The following PSD3 variants were observed in gnomAD, a reference collection of about 807,000 sequenced individuals.
The protein encoded by PSD3 is pleckstrin and Sec7 domain containing 3, also known as PH and SEC7 domain-containing protein 3.
Under a neutral mutation model 105.5 loss-of-function variants are expected in PSD3, and 49 were observed. The ratio of observed to expected loss-of-function variants is 0.46; its 90% CI spans 0.37 to 0.59. The LOEUF is 0.59. Among genes scored for constraint, PSD3 ranks in the 20% least tolerant of loss-of-function variants. The pLI, the probability that PSD3 is intolerant of heterozygous loss-of-function variation, is 0.00. For synonymous variants in PSD3, 557 were observed against 457.8 expected, an observed-to-expected ratio of 1.22 and a Z score of -2.77; for missense variants, 1,561 against 1,263.8, an observed-to-expected ratio of 1.24 and a Z score of -3.57.
At chr8:18,875,737 C>A (rs1460487156) in intron 2 of PSD3, among the ~76,000 whole-genome samples, 2 of 152,240 alleles carry the variant, frequency 1.3e-5, no homozygotes, top group Admixed American at 1.3e-4. Flanking sequence ...CGGGGTTTCA[C>A]AGTGTTAGCC....
intron 1 of PSD3, among the ~76,000 whole-genome samples, chr8:19,064,712 T>C (rs1388838322): frequency 6.6e-6 from 1 of 152,244 alleles, no homozygotes; most frequent in East Asian, 1.9e-4. Context: ...CTCAGCATTC[T>C]AGTATTGCTT....
In PSD3 at chr8:18,568,131, T is replaced by C. The variant is rs150709887; in HGVS notation, c.2784+4397A>G. ...AGATGCTGATGCCATGCTTCGTGTA[T>C]AGCCTGCAGAACCGTGAGCCAAATA... On this transcript the variant is annotated intron_variant, in intron 14 of 15. Transcript: ENST00000327040. Among the ~76,000 whole-genome samples the C allele has an allele frequency of 2.4e-3, 373 of 152,282 alleles. 11 individuals are homozygous for C. In the East Asian group the frequency reaches 0.062, roughly 25 times the overall value.
chr8:18,675,678 A>G (rs975494774), intron 9 of PSD3, among the ~76,000 whole-genome samples: 1 of 152,238 alleles, frequency 6.6e-6, no homozygotes. Context: ...TAAATGTACC[A>G]TCGGAACATG....
rs535784621 is a variant in PSD3 at position 19,053,618 on chromosome 8, C to T, written c.324+30588G>A. On this transcript the variant is annotated intron_variant, in intron 1 of 1. Transcript: ENST00000521475. ...GTTCGAGACCAACATGAGGAAACCC[C>T]GTCTCTACTAAAAATACAAAAATTA... is the stretch of plus-strand genomic sequence containing the variant. Among the ~76,000 whole-genome samples the T allele has an allele frequency of 1.8e-4, 28 of 152,128 alleles. No individual in the cohort carries two copies. The South Asian group carries it at 3.3e-3, about 18-fold the overall frequency.
At chr8:18,929,492 A>G (rs933376452) in intron 2 of PSD3, among the ~76,000 whole-genome samples, 2 of 152,162 alleles carry the variant, frequency 1.3e-5, no homozygotes, top group Admixed American at 6.5e-5. Flanking sequence ...CCCAACCCAG[A>G]GGCTTGCCTG....
chr8:18,970,338 A>AAG (rs1336580728), intron 1 of PSD3, among the ~76,000 whole-genome samples: 1 of 149,934 alleles, frequency 6.7e-6, no homozygotes, highest in Non-Finnish European at 1.5e-5. Context: ...AAAAAAAAAA[A>AAG]AAAAAAAAAA....
At chr8:18,799,190 TG>T (rs1193723671) in intron 8 of PSD3, 104 bp downstream of exon 8, 2 of 992,068 alleles carry the variant, frequency 2.0e-6, no homozygotes, top group African/African-American at 3.2e-5. Context: ...ATGGGAACCA[TG>T]TAGAGAATGG....
chr8:18,599,238 A>G (rs1804257147), intron 12 of PSD3, among the ~76,000 whole-genome samples: 1 of 152,154 alleles, frequency 6.6e-6, no homozygotes, highest in Admixed American at 6.6e-5. Context: ...AATGGAACAC[A>G]GAGCTCAGAC....
At chr8:18,618,611 C>T (rs1222057014) in intron 11 of PSD3, among the ~76,000 whole-genome samples, 1 of 151,940 alleles carries the variant, frequency 6.6e-6, no homozygotes, top group African/African-American at 2.4e-5. Flanking sequence ...CTTCTATGTA[C>T]CAGGCAGTGT....
At chr8:18,772,742 T>C (rs1326589532) in intron 8 of PSD3, among the ~76,000 whole-genome samples, 3 of 152,164 alleles carry the variant, frequency 2.0e-5, no homozygotes, top group African/African-American at 7.2e-5. Flanking sequence ...ACCCTTGACC[T>C]CAGGTGATCT....
chr8:18,629,494 A>C (rs1297556339), intron 11 of PSD3, among the ~76,000 whole-genome samples: 1 of 151,998 alleles, frequency 6.6e-6, no homozygotes, highest in Non-Finnish European at 1.5e-5. Context: ...GGGATATCCA[A>C]ATAATGGAAT....
At chr8:18,602,932 T>C (rs1020710499) in intron 11 of PSD3, among the ~76,000 whole-genome samples, 6 of 152,194 alleles carry the variant, frequency 3.9e-5, no homozygotes, top group Non-Finnish European at 8.8e-5. Flanking sequence ...GTGTGTTTTA[T>C]TAAACACACA....
chr8:18,705,119 C>A (rs1288531244), intron 9 of PSD3, among the ~76,000 whole-genome samples: 1 of 151,960 alleles, frequency 6.6e-6, no homozygotes, highest in Non-Finnish European at 1.5e-5. Flanking sequence ...AAATAAAAAG[C>A]ACAAAAACAT....
At chr8:18,542,667 C>T (rs771498189) in intron 15 of PSD3, among the ~76,000 whole-genome samples, 15 of 152,068 alleles carry the variant, frequency 9.9e-5, no homozygotes, top group East Asian at 3.9e-4. Flanking sequence ...AGCATGGTGG[C>T]GGTAAAAAGA....
intron 12 of PSD3, among the ~76,000 whole-genome samples, chr8:18,585,303 A>G (rs1803096609): frequency 6.6e-6 from 1 of 152,138 alleles, no homozygotes; most frequent in Non-Finnish European, 1.5e-5. Flanking sequence ...ATAAGGTCTG[A>G]ATAAAGCCAG....
chr8:18,562,564 G>A (rs946633042), intron 14 of PSD3, among the ~76,000 whole-genome samples: 7 of 152,138 alleles, frequency 4.6e-5, no homozygotes, highest in African/African-American at 1.7e-4. Context: ...TGGACTCAGG[G>A]TTACTCACCT....
chr8:18,795,168 T>C (rs974055000), intron 8 of PSD3, among the ~76,000 whole-genome samples: 7 of 152,112 alleles, frequency 4.6e-5, no homozygotes, highest in African/African-American at 1.2e-4. Flanking sequence ...TACCAGTAAG[T>C]TGTACTAGAT....
intron 1 of PSD3, among the ~76,000 whole-genome samples, chr8:18,951,923 C>A (rs374600558): frequency 6.6e-6 from 1 of 152,094 alleles, no homozygotes; most frequent in Non-Finnish European, 1.5e-5. Flanking sequence ...GAGCCCAGAT[C>A]ACACCAGTGC....
At chr8:18,686,388 A>G (rs1800664773) in intron 9 of PSD3, among the ~76,000 whole-genome samples, 1 of 152,206 alleles carries the variant, frequency 6.6e-6, no homozygotes, top group Non-Finnish European at 1.5e-5. Context: ...TGTGTCCCTC[A>G]CACTATAGCT....
Sources: allele counts gnomAD v4.1 joint callset (sites outside exome capture counted in the v4.1 genomes callset), GRCh38; gene constraint gnomAD v4.1.1; transcripts MANE v1.5; gene names NCBI Gene and HGNC (gene_info 2026-07-23, HGNC 2026-07-21).